The following IL1RAPL1 variants were observed in gnomAD, a reference collection of about 807,000 sequenced individuals.
IL1RAPL1 encodes the protein interleukin-1 receptor accessory protein-like 1.
In IL1RAPL1, 3 loss-of-function variants were observed where a neutral mutation model predicts 48.4. That is an observed-to-expected ratio of 0.06 (90% confidence interval 0.03 to 0.16). The LOEUF is 0.16. IL1RAPL1 is among the 10% of genes least tolerant of loss of function. IL1RAPL1 has a pLI of 1.00. For synonymous variants in IL1RAPL1, 185 were observed against 187.7 expected (o/e 0.99, Z 0.12); for missense variants, 349 against 530.6 (o/e 0.66, Z 3.36).
In IL1RAPL1 at chrX:29,777,168, T is replaced by C. The variant is rs745949277; in HGVS notation, c.778+108664T>C. Reference sequence around the variant, plus strand: ...TGTTTTTTCCTGAACTGGCTCTTTGTACAAATAAAAACACACTGGCAAAAT... The same window carrying C: ...TGTTTTTTCCTGAACTGGCTCTTTGCACAAATAAAAACACACTGGCAAAAT... On this transcript the variant is annotated intron_variant, in intron 6 of 10. Transcript: ENST00000378993. 2.7e-5 allele frequency among the ~76,000 whole-genome samples: 3 copies of C among 112,365 alleles called. No homozygotes were observed. In the Admixed American group the frequency reaches 2.8e-4, roughly 11 times the overall value.
At chrX:29,012,349 C>T (rs1271090585) in intron 2 of IL1RAPL1, among the ~76,000 whole-genome samples, 2 of 111,316 alleles carry the variant, frequency 1.8e-5, no homozygotes, top group African/African-American at 6.5e-5. Flanking sequence ...TCAAGACCAG[C>T]CTGGCCAACA....
At chrX:28,953,575 G>A (rs992600284) in intron 2 of IL1RAPL1, among the ~76,000 whole-genome samples, 5 of 111,015 alleles carry the variant, frequency 4.5e-5, no homozygotes, top group African/African-American at 1.3e-4. Flanking sequence ...GTAATAATAC[G>A]TAGAGGAGGG....
chrX:28,706,987 C>T (rs1215224423), intron 1 of IL1RAPL1, among the ~76,000 whole-genome samples: 1 of 111,902 alleles, frequency 8.9e-6, no homozygotes, highest in Admixed American at 9.5e-5. Context: ...TATGTTTGTA[C>T]AAGGCACTAC....
At chrX:29,856,403 C>T (rs905392324) in intron 6 of IL1RAPL1, among the ~76,000 whole-genome samples, 6 of 111,760 alleles carry the variant, frequency 5.4e-5, no homozygotes, top group African/African-American at 1.9e-4. Flanking sequence ...TAAGATGAGA[C>T]AGTTTATATA....
chrX:29,216,525 T>G (rs1259155668), intron 2 of IL1RAPL1, among the ~76,000 whole-genome samples: 1 of 111,378 alleles, frequency 9.0e-6, no homozygotes, highest in African/African-American at 3.3e-5. Context: ...GCAGTGATTT[T>G]CAAACTTTTT....
At chrX:29,168,594 T>C (rs1929835126) in intron 2 of IL1RAPL1, among the ~76,000 whole-genome samples, 3 of 90,647 alleles carry the variant, frequency 3.3e-5, no homozygotes, top group Non-Finnish European at 4.5e-5. Context: ...TATATATATA[T>C]TCATATATAC....
At chrX:28,645,906 G>A (rs189330392) in intron 1 of IL1RAPL1, among the ~76,000 whole-genome samples, 147 of 111,663 alleles carry the variant, frequency 1.3e-3, no homozygotes, top group African/African-American at 4.4e-3. Context: ...ATACCTCTTC[G>A]TAAAGGTGGT....
At chrX:28,686,301 A>G (rs768949315) in intron 1 of IL1RAPL1, among the ~76,000 whole-genome samples, 12 of 112,316 alleles carry the variant, frequency 1.1e-4, no homozygotes, top group Non-Finnish European at 2.3e-4. Flanking sequence ...AGGATAAATA[A>G]TTAAGGGAAC....
intron 2 of IL1RAPL1, among the ~76,000 whole-genome samples, chrX:28,956,440 A>G (rs1313217777): frequency 9.0e-6 from 1 of 111,010 alleles, no homozygotes; most frequent in Non-Finnish European, 1.9e-5. Flanking sequence ...TGTCCCATCA[A>G]TACCTAATTT....
At chrX:29,338,935 C>G (rs756902385) in intron 3 of IL1RAPL1, among the ~76,000 whole-genome samples, 1 of 110,567 alleles carries the variant, frequency 9.0e-6, no homozygotes, top group Non-Finnish European at 1.9e-5. Flanking sequence ...GGAATCAACC[C>G]TAGTGGCTAA....
chrX:29,274,951 A>C (rs1602146826), intron 2 of IL1RAPL1, among the ~76,000 whole-genome samples: 1 of 108,512 alleles, frequency 9.2e-6, no homozygotes. Flanking sequence ...TCCTTGTCAT[A>C]TCCTTTGCTA....
At chrX:29,246,385 C>G (rs987445746) in intron 2 of IL1RAPL1, among the ~76,000 whole-genome samples, 1 of 109,514 alleles carries the variant, frequency 9.1e-6, no homozygotes, top group African/African-American at 3.3e-5. Context: ...TTTACCCACC[C>G]CACCCCTGAT....
chrX:29,071,789 G>T (rs1927570050), intron 2 of IL1RAPL1, among the ~76,000 whole-genome samples: 1 of 111,654 alleles, frequency 9.0e-6, no homozygotes, highest in African/African-American at 3.3e-5. Context: ...ATTTATCAGA[G>T]TTGGCACATG....
intron 6 of IL1RAPL1, among the ~76,000 whole-genome samples, chrX:29,740,837 C>T (rs1488611012): frequency 8.9e-6 from 1 of 112,314 alleles, no homozygotes; most frequent in East Asian, 2.8e-4. Flanking sequence ...ACAATCACTC[C>T]AGTATATACA....
chrX:29,379,886 T>C (rs1458581518), intron 3 of IL1RAPL1, among the ~76,000 whole-genome samples: 1 of 111,160 alleles, frequency 9.0e-6, no homozygotes, highest in Non-Finnish European at 1.9e-5. Flanking sequence ...TTTTTTTTTA[T>C]CTGTTAACCA....
chrX:29,934,111 T>C (rs1421976749), intron 8 of IL1RAPL1, among the ~76,000 whole-genome samples: 1 of 111,011 alleles, frequency 9.0e-6, no homozygotes, highest in Non-Finnish European at 1.9e-5. Flanking sequence ...GTTGGAAAAG[T>C]TATATTGGAA....
intron 3 of IL1RAPL1, among the ~76,000 whole-genome samples, chrX:29,388,502 A>G (rs1397083075): frequency 2.7e-5 from 3 of 112,449 alleles, no homozygotes; most frequent in African/African-American, 6.5e-5. Context: ...ATTATTCACA[A>G]TAGCTAAAAT....
chrX:28,615,090 G>A (rs1934197469), intron 1 of IL1RAPL1, among the ~76,000 whole-genome samples: 1 of 107,944 alleles, frequency 9.3e-6, no homozygotes, highest in Non-Finnish European at 1.9e-5. Context: ...GGGTTTCACT[G>A]TGTTAGCCAG....
chrX:29,612,220 A>G (rs1436816324), intron 5 of IL1RAPL1, among the ~76,000 whole-genome samples: 1 of 110,662 alleles, frequency 9.0e-6, no homozygotes, highest in Non-Finnish European at 1.9e-5. Flanking sequence ...GCAATGGGTA[A>G]TATTTTTGAG....
Sources: gnomAD v4.1 joint callset for allele counts (sites outside exome capture counted in the v4.1 genomes callset) on GRCh38, gnomAD v4.1.1 for gene constraint, MANE v1.5 for transcripts, NCBI Gene and HGNC (gene_info 2026-07-23, HGNC 2026-07-21) for gene names.